Variants in FGF13 observed in about 807,000 individuals in gnomAD.
FGF13 encodes the protein fibroblast growth factor homologous factor 2.
A neutral mutation model predicts 19.5 loss-of-function variants in FGF13; 2 were observed. The ratio of observed to expected loss-of-function variants is 0.10; its 90% CI spans 0.04 to 0.32. FGF13 has a LOEUF of 0.32. Among genes scored for constraint, FGF13 ranks in the 10% least tolerant of loss-of-function variants. The pLI is 1.00. For missense variants in FGF13, 113 were observed against 192.7 expected (o/e 0.59, Z 2.45); for synonymous variants, 72 against 76.9 (o/e 0.94, Z 0.33).
chrX:138,961,845 A>G (rs1046238730), intron 1 of FGF13, among the ~76,000 whole-genome samples: 2 of 112,090 alleles, frequency 1.8e-5, no homozygotes, highest in African/African-American at 6.5e-5. Flanking sequence ...AATTAATTCA[A>G]GATGGATTAA....
At chrX:139,203,513 G>A (rs181017131) in exon 1 of FGF13, 2,069 of 83,852 alleles carry the variant, frequency 0.025, 34 homozygotes, top group South Asian at 0.067. Flanking sequence ...GTGGCGGGGG[G>A]GGGGAAGGAG....
intron 1 of FGF13, among the ~76,000 whole-genome samples, chrX:139,168,412 T>C (rs1038661349): frequency 4.5e-5 from 5 of 111,831 alleles, no homozygotes; most frequent in African/African-American, 1.6e-4. Context: ...CCATAATAAA[T>C]AACAATTTTT....
rs185191524 is a variant in FGF13 at position 139,027,847 on chromosome X, G to A, written c.-112-163197C>T. ...ACTCAGAGAGAAGGAATTCTGGGAC[G>A]AAGATATGCCTGTTCTCTCAAGCCA... On this transcript the variant is annotated intron_variant, in intron 1 of 2. Transcript: ENST00000421460. Among the ~76,000 whole-genome samples, 496 of 111,911 alleles carry A rather than the reference G, an allele frequency of 4.4e-3. 2 individuals are homozygous for A. The highest frequency in any genetic ancestry group is 0.015 in the African/African-American group (470 of 30,865).
At chrX:138,857,823 G>A in intron 2 of FGF13, 2 of 462,371 alleles carry the variant, frequency 4.3e-6, no homozygotes, top group South Asian at 5.9e-5. Context: ...ATAGCTTGGC[G>A]ATTTTATTTT....
At chrX:139,064,713 T>C (rs1383757032) in intron 1 of FGF13, among the ~76,000 whole-genome samples, 2 of 111,496 alleles carry the variant, frequency 1.8e-5, no homozygotes, top group Admixed American at 9.6e-5. Flanking sequence ...AATTTGAATG[T>C]TGGCCTGTCT....
intron 3 of FGF13, among the ~76,000 whole-genome samples, chrX:138,680,893 C>T (rs754010444): frequency 8.1e-5 from 9 of 110,795 alleles, no homozygotes; most frequent in Admixed American, 4.8e-4. Flanking sequence ...TCTGTATGGC[C>T]GAGCGTGGTG....
At chrX:139,005,687 GA>G (rs1173714448) in intron 1 of FGF13, among the ~76,000 whole-genome samples, 6 of 106,829 alleles carry the variant, frequency 5.6e-5, no homozygotes, top group African/African-American at 1.4e-4. Context: ...AGAAATTCAA[GA>G]AAACACAGAG....
intron 1 of FGF13, among the ~76,000 whole-genome samples, chrX:139,039,107 ATAGT>A (rs2092260519): frequency 8.9e-6 from 1 of 112,320 alleles, no homozygotes; most frequent in Non-Finnish European, 1.9e-5. Flanking sequence ...CTTGCTAAAA[ATAGT>A]TAATGTTTAT....
intron 1 of FGF13, among the ~76,000 whole-genome samples, chrX:139,100,457 A>G (rs960462944): frequency 9.1e-6 from 1 of 109,955 alleles, no homozygotes; most frequent in African/African-American, 3.3e-5. Context: ...GGCTCTGTGC[A>G]GCACTGACTA....
At chrX:138,771,828 A>C (rs1056187901) in intron 3 of FGF13, among the ~76,000 whole-genome samples, 1 of 109,725 alleles carries the variant, frequency 9.1e-6, no homozygotes, top group Non-Finnish European at 1.9e-5. Flanking sequence ...CTGTGATAAC[A>C]AATCCATTTG....
Position 138,869,779 on chromosome X carries a change from T to C in FGF13, c.-112-5129A>G, listed in dbSNP as rs192050116. Among the ~76,000 whole-genome samples the C allele has an allele frequency of 2.1e-4, 24 of 112,201 alleles. No homozygotes were observed. In the East Asian group the frequency reaches 4.8e-3, roughly 22 times the overall value. On this transcript the variant is annotated intron_variant, in intron 1 of 2. Transcript: ENST00000421460. The stretch of plus-strand genomic sequence containing the variant: ...ACAATTCTAATAGAGAAATAAATAT[T>C]CCAACTAAATGGGTGCTTTTCTTTG...
At chrX:139,022,071 GAGTA>G (rs768105467) in intron 1 of FGF13, among the ~76,000 whole-genome samples, 8 of 111,477 alleles carry the variant, frequency 7.2e-5, no homozygotes, top group Non-Finnish European at 1.3e-4. Context: ...AATGGTTGAG[GAGTA>G]AGTGAGATGG....
At chrX:138,664,999 GA>G (rs994993254) in intron 3 of FGF13, among the ~76,000 whole-genome samples, 2 of 111,032 alleles carry the variant, frequency 1.8e-5, no homozygotes, top group African/African-American at 6.5e-5. Context: ...GAGCTCTCTG[GA>G]AGTGAGGGAA....
chrX:139,139,058 G>A, intron 1 of FGF13, among the ~76,000 whole-genome samples: 1 of 108,264 alleles, frequency 9.2e-6, no homozygotes, highest in Non-Finnish European at 1.9e-5. Flanking sequence ...GCCTCCCAAA[G>A]TAACTGAGAT....
At chrX:139,128,354 C>T (rs992750733) in intron 1 of FGF13, among the ~76,000 whole-genome samples, 4 of 111,767 alleles carry the variant, frequency 3.6e-5, no homozygotes, top group Non-Finnish European at 7.5e-5. Context: ...GCAGTAACTA[C>T]GACACCAATC....
intron 1 of FGF13, among the ~76,000 whole-genome samples, chrX:138,969,152 C>G (rs144422814): frequency 9.0e-6 from 1 of 111,466 alleles, no homozygotes; most frequent in Non-Finnish European, 1.9e-5. Flanking sequence ...CTGAAAAACT[C>G]GAAAAACAGA....
At chrX:139,053,505 T>G (rs2092309794) in intron 1 of FGF13, among the ~76,000 whole-genome samples, 1 of 109,896 alleles carries the variant, frequency 9.1e-6, no homozygotes, top group Non-Finnish European at 1.9e-5. Flanking sequence ...TGATCATTAG[T>G]GATGTTGAGC....
chrX:139,023,720 GATT>G (rs2092188502), intron 1 of FGF13, among the ~76,000 whole-genome samples: 2 of 111,000 alleles, frequency 1.8e-5, no homozygotes, highest in African/African-American at 3.3e-5. Flanking sequence ...TGCGGTAGAA[GATT>G]ATTGATGACG....
intron 1 of FGF13, among the ~76,000 whole-genome samples, chrX:139,131,743 T>A (rs746149867): frequency 1.9e-4 from 21 of 111,203 alleles, no homozygotes; most frequent in Non-Finnish European, 3.2e-4. Flanking sequence ...TCTCAAAAAA[T>A]AAAAATAAAA....
Sources: allele counts gnomAD v4.1 joint callset (sites outside exome capture counted in the v4.1 genomes callset), GRCh38; gene constraint gnomAD v4.1.1; transcripts MANE v1.5; gene names NCBI Gene and HGNC (gene_info 2026-07-23, HGNC 2026-07-21).